The following FAF1 variants were observed in gnomAD, a reference collection of about 807,000 sequenced individuals.
FAF1 encodes Fas associated factor 1.
Under a neutral mutation model 92.5 loss-of-function variants are expected in FAF1, and 25 were observed. The observed-to-expected ratio is 0.27, with a 90% CI of 0.20 to 0.38. The LOEUF is 0.38. Among genes scored for constraint, FAF1 ranks in the 10% least tolerant of loss-of-function variants. The pLI is 1.00. For synonymous variants in FAF1, 234 were observed against 273.2 expected (o/e 0.86, Z 1.42); for missense variants, 636 against 793.3 (o/e 0.80, Z 2.38).
chr1:50,723,285 C>T (rs1658487799), intron 6 of FAF1, among the ~76,000 whole-genome samples: 1 of 151,806 alleles, frequency 6.6e-6, no homozygotes, highest in African/African-American at 2.4e-5. Flanking sequence ...CCTGCAGTCC[C>T]AGTTACTCAG....
chr1:50,503,193 C>T (rs1415928522), intron 15 of FAF1, among the ~76,000 whole-genome samples: 1 of 152,026 alleles, frequency 6.6e-6, no homozygotes, highest in African/African-American at 2.4e-5. Context: ...GTTAAATTAT[C>T]CTATTAACAC....
chr1:50,694,026 T>TATACATGAC (rs1323880228), intron 7 of FAF1, among the ~76,000 whole-genome samples: 4 of 148,758 alleles, frequency 2.7e-5, no homozygotes, highest in African/African-American at 1.0e-4. Context: ...ATATATGACA[T>TATACATGAC]ATATATGACA....
At position 50,748,663 on chromosome 1, in the gene FAF1, C is replaced by A. The variant is rs575971162; in HGVS notation, c.368-3888G>T. On this transcript the variant is annotated intron_variant, in intron 4 of 18. Transcript: ENST00000396153. The stretch of plus-strand genomic sequence containing the variant: ...ATTAATCAGCTGATTTCTGGCACTA[C>A]ACTATTTTAAAGATCAGTGAATCAG... Among the ~76,000 whole-genome samples the A allele has an allele frequency of 3.9e-5, 6 of 152,276 alleles. No homozygotes were observed. In the South Asian group the frequency reaches 1.0e-3, roughly 26 times the overall value.
intron 3 of FAF1, among the ~76,000 whole-genome samples, chr1:50,789,354 T>C (rs1399238696): frequency 6.6e-6 from 1 of 152,160 alleles, no homozygotes; most frequent in East Asian, 1.9e-4. Context: ...ATCTGGTACT[T>C]AGTAAGATCC....
At chr1:50,594,943 A>G (rs1056386404) in intron 9 of FAF1, among the ~76,000 whole-genome samples, 1 of 151,518 alleles carries the variant, frequency 6.6e-6, no homozygotes, top group African/African-American at 2.4e-5. Context: ...ACAACACACA[A>G]ACAAACGTGT....
chr1:50,793,737 G>A (rs1053895696), intron 3 of FAF1, among the ~76,000 whole-genome samples: 2 of 152,084 alleles, frequency 1.3e-5, no homozygotes, highest in East Asian at 1.9e-4. Flanking sequence ...CAACTCTCCC[G>A]CTCTTTGTCA....
At chr1:50,794,021 A>C (rs1487811925) in intron 3 of FAF1, among the ~76,000 whole-genome samples, 2 of 152,088 alleles carry the variant, frequency 1.3e-5, no homozygotes, top group African/African-American at 4.8e-5. Context: ...AATATTCTCA[A>C]ATCTGAAAAA....
intron 7 of FAF1, among the ~76,000 whole-genome samples, chr1:50,677,263 T>C (rs1221661074): frequency 6.6e-6 from 1 of 152,218 alleles, no homozygotes; most frequent in Non-Finnish European, 1.5e-5. Context: ...TATACTTGTG[T>C]ATATTCTAAC....
chr1:50,907,122 C>T (rs1196025228), intron 1 of FAF1, among the ~76,000 whole-genome samples: 1 of 152,180 alleles, frequency 6.6e-6, no homozygotes, highest in Admixed American at 6.6e-5. Context: ...GTCTTTACTG[C>T]ATCTACTGAG....
chr1:50,869,954 T>A (rs1347513500), intron 1 of FAF1, among the ~76,000 whole-genome samples: 1 of 152,220 alleles, frequency 6.6e-6, no homozygotes, highest in South Asian at 2.1e-4. Context: ...ACTGAGTTCA[T>A]CTTCAGAAAG....
intron 8 of FAF1, 40 bp from the exon 9 acceptor site, chr1:50,596,256 G>T: frequency 7.1e-7 from 1 of 1,408,598 alleles, no homozygotes; most frequent in Non-Finnish European, 1.0e-6. Context: ...ACAAAATACG[G>T]CCATGTTTCA....
At chr1:50,695,688 C>G (rs1018478488) in intron 7 of FAF1, among the ~76,000 whole-genome samples, 3 of 152,126 alleles carry the variant, frequency 2.0e-5, no homozygotes, top group African/African-American at 7.2e-5. Context: ...GCTCTTGTCA[C>G]CCAGGCTGGA....
chr1:50,606,691 G>A (rs1652440682), intron 8 of FAF1, among the ~76,000 whole-genome samples: 1 of 151,798 alleles, frequency 6.6e-6, no homozygotes, highest in Admixed American at 6.6e-5. Context: ...AGTAGAGACG[G>A]AGTTTCTCCA....
chr1:50,465,473 C>G (rs1457676391), intron 18 of FAF1, among the ~76,000 whole-genome samples: 1 of 152,176 alleles, frequency 6.6e-6, no homozygotes, highest in Non-Finnish European at 1.5e-5. Flanking sequence ...ATTCATTCAA[C>G]AGGTATTTAC....
At chr1:50,644,865 T>C (rs1654512934) in intron 8 of FAF1, among the ~76,000 whole-genome samples, 1 of 152,214 alleles carries the variant, frequency 6.6e-6, no homozygotes, top group South Asian at 2.1e-4. Context: ...CAGCATCAGG[T>C]CTTAGTGCTT....
chr1:50,585,086 A>G (rs1444225648), intron 9 of FAF1, among the ~76,000 whole-genome samples: 1 of 152,196 alleles, frequency 6.6e-6, no homozygotes, highest in Admixed American at 6.5e-5. Flanking sequence ...TCCCCAGCAT[A>G]TAGTATACAA....
At chr1:50,808,721 A>G (rs1662305635) in intron 2 of FAF1, among the ~76,000 whole-genome samples, 1 of 151,950 alleles carries the variant, frequency 6.6e-6, no homozygotes, top group African/African-American at 2.4e-5. Context: ...TTTCTGATAT[A>G]TTGTATATCT....
chr1:50,709,789 T>A (rs925220928), intron 6 of FAF1, among the ~76,000 whole-genome samples: 4 of 152,212 alleles, frequency 2.6e-5, no homozygotes, highest in Non-Finnish European at 5.9e-5. Flanking sequence ...ATTCCTATTA[T>A]CTGTAATAAT....
chr1:50,561,628 C>A (rs532521365), intron 13 of FAF1, among the ~76,000 whole-genome samples: 52 of 152,210 alleles, frequency 3.4e-4, no homozygotes, highest in African/African-American at 1.3e-3. Context: ...GAGTTTTAGA[C>A]CAGCCTGGCC....
Sources: gnomAD v4.1 joint callset for allele counts (sites outside exome capture counted in the v4.1 genomes callset) on GRCh38, gnomAD v4.1.1 for gene constraint, MANE v1.5 for transcripts, NCBI Gene and HGNC (gene_info 2026-07-23, HGNC 2026-07-21) for gene names.